The following ADORA2B variants were observed in gnomAD, a reference collection of about 807,000 sequenced individuals.
ADORA2B encodes adenosine A2b receptor.
ADORA2B carries 18 observed loss-of-function variants against 20.8 expected under a neutral mutation model. The observed-to-expected ratio is 0.87, with a 90% CI of 0.60 to 1.29. The LOEUF (loss-of-function observed/expected upper bound fraction) is 1.29, where lower values mean the gene tolerates loss of function less well. Ranked by LOEUF, ADORA2B falls within the 50% of genes most tolerant of loss-of-function variation. The pLI, the probability that ADORA2B is intolerant of heterozygous loss-of-function variation, is 0.00. For missense variants in ADORA2B, 441 were observed against 422.7 expected (o/e 1.04, Z -0.38); for synonymous variants, 179 against 178.3 (o/e 1.00, Z -0.03).
At chr17:15,916,348 C>T in the ADORA2B span, among the ~76,000 whole-genome samples, 2 of 152,208 alleles carry the variant, frequency 1.3e-5, no homozygotes, top group Non-Finnish European at 2.9e-5. Context: ...GGACAAGTCA[C>T]AGACAAAACC....
At chr17:15,909,497 C>T in the ADORA2B span, among the ~76,000 whole-genome samples, 1 of 152,192 alleles carries the variant, frequency 6.6e-6, no homozygotes, top group Admixed American at 6.5e-5. Flanking sequence ...CTGGGAGGTG[C>T]CCCACACCTC....
chr17:15,967,024 G>C (rs1970128047), intron 1 of ADORA2B, among the ~76,000 whole-genome samples: 1 of 152,186 alleles, frequency 6.6e-6, no homozygotes, highest in Admixed American at 6.5e-5. Context: ...CAGACCTGAG[G>C]GTGTTCGGAG....
chr17:15,948,398 C>CGGTGGGGGGGGGGGGGGGG, intron 1 of ADORA2B, among the ~76,000 whole-genome samples: 1 of 22,626 alleles, frequency 4.4e-5, no homozygotes, highest in Admixed American at 5.3e-4. Context: ...TGGGCCCTGG[C>CGGTGGGGGGGGGGGGGGGG]GGCGGGGGGC....
At chr17:15,914,068 C>T in the ADORA2B span, among the ~76,000 whole-genome samples, 25 of 152,124 alleles carry the variant, frequency 1.6e-4, no homozygotes, top group Admixed American at 6.6e-4. Flanking sequence ...CGGGCTGCCC[C>T]GAATCATGGG....
At chr17:15,923,379 A>ATG in the ADORA2B span, among the ~76,000 whole-genome samples, 1,013 of 132,402 alleles carry the variant, frequency 7.7e-3, 12 homozygotes, top group African/African-American at 0.028. Flanking sequence ...CTCTCTCTCT[A>ATG]TGTGTGTGTG....
At chr17:15,970,569 G>A (rs1193086247) in intron 1 of ADORA2B, among the ~76,000 whole-genome samples, 2 of 152,186 alleles carry the variant, frequency 1.3e-5, no homozygotes, top group African/African-American at 4.8e-5. Context: ...TTTGGTTTGT[G>A]TATTAGCTTT....
At chr17:15,929,260 G>C in the ADORA2B span, among the ~76,000 whole-genome samples, 1 of 152,172 alleles carries the variant, frequency 6.6e-6, no homozygotes, top group Non-Finnish European at 1.5e-5. Context: ...AAGAATGTTT[G>C]AACCCTCTGG....
the ADORA2B span, among the ~76,000 whole-genome samples, chr17:15,911,197 G>A: frequency 9.1e-3 from 1,386 of 152,286 alleles, 26 homozygotes; most frequent in African/African-American, 0.031. Flanking sequence ...TTGAGGCACC[G>A]TCAGAACCAA....
At chr17:15,964,959 C>G (rs1305165615) in intron 1 of ADORA2B, among the ~76,000 whole-genome samples, 1 of 152,112 alleles carries the variant, frequency 6.6e-6, no homozygotes, top group Non-Finnish European at 1.5e-5. Flanking sequence ...ACTCAGGAGG[C>G]TGAGGCAGGA....
At chr17:15,967,643 G>A (rs531484970) in intron 1 of ADORA2B, among the ~76,000 whole-genome samples, 6 of 151,970 alleles carry the variant, frequency 3.9e-5, no homozygotes, top group Non-Finnish European at 5.9e-5. Flanking sequence ...CAGCCTGGAC[G>A]ACAGAGTGAG....
At chr17:15,878,510 G>A in the ADORA2B span, among the ~76,000 whole-genome samples, 1 of 152,026 alleles carries the variant, frequency 6.6e-6, no homozygotes, top group Non-Finnish European at 1.5e-5. Flanking sequence ...TTTATGCCCT[G>A]GCATTTTTCA....
chr17:15,971,342 G>C (rs574805239), intron 1 of ADORA2B, among the ~76,000 whole-genome samples: 9 of 152,304 alleles, frequency 5.9e-5, no homozygotes, highest in Non-Finnish European at 1.3e-4. Flanking sequence ...AATGAGGTGG[G>C]AAACAGATGA....
chr17:15,946,459 T>C (rs1269263746), intron 1 of ADORA2B, among the ~76,000 whole-genome samples: 1 of 152,224 alleles, frequency 6.6e-6, no homozygotes, highest in Non-Finnish European at 1.5e-5. Context: ...ATTGAGAGTT[T>C]GTTGAAAGTA....
the ADORA2B span, among the ~76,000 whole-genome samples, chr17:15,872,708 C>T: frequency 1.3e-5 from 2 of 152,056 alleles, no homozygotes; most frequent in African/African-American, 2.4e-5. Flanking sequence ...TCAGCTTCGT[C>T]GTTGTTGGTG....
intron 1 of ADORA2B, among the ~76,000 whole-genome samples, chr17:15,952,099 G>GA (rs1017435489): frequency 2.0e-5 from 3 of 151,816 alleles, no homozygotes; most frequent in South Asian, 2.1e-4. Context: ...GAGGGTAAAT[G>GA]AAAAAAAAGT....
chr17:15,878,220 A>G, the ADORA2B span, among the ~76,000 whole-genome samples: 1 of 149,494 alleles, frequency 6.7e-6, no homozygotes, highest in Non-Finnish European at 1.5e-5. Flanking sequence ...CACACATTAT[A>G]TAAATACACA....
the ADORA2B span, among the ~76,000 whole-genome samples, chr17:15,929,809 A>G: frequency 3.9e-5 from 6 of 152,300 alleles, no homozygotes; most frequent in African/African-American, 1.4e-4. Context: ...ATGAGGTAGT[A>G]GAGTAGTCAG....
chr17:15,957,524 A>T (rs2041458), intron 1 of ADORA2B, among the ~76,000 whole-genome samples: 1 of 152,010 alleles, frequency 6.6e-6, no homozygotes, highest in Non-Finnish European at 1.5e-5. Context: ...AAGGAGAAGA[A>T]GACTCCAGGA....
At chr17:15,929,606 A>T in the ADORA2B span, among the ~76,000 whole-genome samples, 1 of 152,222 alleles carries the variant, frequency 6.6e-6, no homozygotes, top group African/African-American at 2.4e-5. Context: ...AGAAAGGTGG[A>T]AGCAACCCAA....
Sources: gnomAD v4.1 joint callset for allele counts (sites outside exome capture counted in the v4.1 genomes callset) on GRCh38, gnomAD v4.1.1 for gene constraint, MANE v1.5 for transcripts, NCBI Gene and HGNC (gene_info 2026-07-23, HGNC 2026-07-21) for gene names.